Variants in OR2AG1 observed in about 807,000 individuals in gnomAD.
OR2AG1 encodes olfactory receptor family 2 subfamily AG member 1, also known as olfactory receptor 2AG1.
For missense variants in OR2AG1, 391 were observed against 385.9 expected, an observed-to-expected ratio of 1.01 and a Z score of -0.11; for synonymous variants, 157 against 155.6, an observed-to-expected ratio of 1.01 and a Z score of -0.07.
At position 6,790,445 on chromosome 11, in the gene OR2AG1, T is replaced by C. The variant is rs886202510; in HGVS notation, c.*4457T>C. The stretch of plus-strand genomic sequence containing the variant: ...GGGTAAGTATGTAAGGTGATTGATA[T>C]GTTGCTCTGTTAATTAGCTTGCATG... On this transcript the variant is annotated 3_prime_UTR_variant, in exon 2 of 2. Transcript: ENST00000641258. 2 of 152,212 alleles carry C rather than the reference T, an allele frequency of 1.3e-5. No homozygotes were observed. The highest frequency in any genetic ancestry group is 6.5e-5 in the Admixed American group (1 of 15,268). 9.4% of individuals were successfully genotyped at this position (152,212 alleles called of 1,614,324 possible).
At chr11:6,784,083 G>A (rs1847598494) in intron 1 of OR2AG1, among the ~76,000 whole-genome samples, 1 of 152,130 alleles carries the variant, frequency 6.6e-6, no homozygotes, top group Non-Finnish European at 1.5e-5. Context: ...AATGCCAACA[G>A]CTGCTTTCTG....
rs1397852794 is a variant in OR2AG1 at position 6,790,618 on chromosome 11, A to T, written c.*4630A>T. 6.6e-6 allele frequency: 1 copy of T among 152,266 alleles called. No individual in the cohort carries two copies. The highest frequency in any genetic ancestry group is 1.5e-5 in the Non-Finnish European group (1 of 68,052). 9.4% of individuals were successfully genotyped at this position (152,266 alleles called of 1,614,324 possible). On this transcript the variant is annotated 3_prime_UTR_variant, in exon 2 of 2. Coordinates refer to ENST00000641258, the MANE Select transcript of OR2AG1 (RefSeq NM_001004489.3). The stretch of plus-strand genomic sequence containing the variant: ...ATTATACATAATAATAAACATAAAA[A>T]ATCATTTGAAAACATTTCTAAAGCT...
chr11:6,784,711 T>C (rs1847604199), intron 1 of OR2AG1, among the ~76,000 whole-genome samples: 1 of 152,260 alleles, frequency 6.6e-6, no homozygotes, highest in South Asian at 2.1e-4. Flanking sequence ...TGGCAGAATA[T>C]TTCTTTAATC....
At chr11:6,784,556 A>C (rs1012876734) in intron 1 of OR2AG1, among the ~76,000 whole-genome samples, 9 of 152,170 alleles carry the variant, frequency 5.9e-5, no homozygotes, top group African/African-American at 2.2e-4. Flanking sequence ...GAGTACTGCA[A>C]ACAAATGTGG....
Position 6,788,631 on chromosome 11 carries a change from A to T in OR2AG1, c.*2643A>T, listed in dbSNP as rs1847651183. The T allele has an allele frequency of 6.6e-6, 1 of 152,180 alleles. No homozygotes were observed. Among genetic ancestry groups the T allele is most frequent in the Non-Finnish European group, 1.5e-5 (1 of 68,034 alleles). 9.4% of individuals were successfully genotyped at this position (152,180 alleles called of 1,614,324 possible). A position where few individuals can be genotyped will look rare whatever the true frequency, so the allele number is the denominator to read the frequency against. Reference sequence around the variant, plus strand: ...ACAATACTCAGCCTTGCCTTCCTGAACATGGTGCATGACTATACTTCTGGA... The same window carrying T: ...ACAATACTCAGCCTTGCCTTCCTGATCATGGTGCATGACTATACTTCTGGA... On this transcript the variant is annotated 3_prime_UTR_variant, in exon 2 of 2. Transcript: ENST00000641258.
At chr11:6,784,267 C>T (rs1397244617) in intron 1 of OR2AG1, among the ~76,000 whole-genome samples, 1 of 152,188 alleles carries the variant, frequency 6.6e-6, no homozygotes, top group African/African-American at 2.4e-5. Flanking sequence ...CTCCCAAACA[C>T]AAACATCCTG....
At position 6,785,261 on chromosome 11, in the gene OR2AG1, C is replaced by G; in HGVS notation, c.224C>G (p.Ser75Cys). Residue 75 changes from serine (S) to cysteine (C), a missense_variant, in exon 2 of 2, where the codon TCT (serine) becomes TGT (cysteine). Transcript: ENST00000641258. Reference protein sequence around the residue: ...QLSLMDLLFTSVVTPKALADF... With the variant: ...QLSLMDLLFTCVVTPKALADF... ...TCTCTCATGGACCTCCTGTTCACAT[C>G]TGTTGTCACTCCCAAGGCCCTTGCG... is the stretch of plus-strand genomic sequence containing the variant. 1.2e-6 allele frequency: 2 copies of G among 1,614,184 alleles called. No individual in the cohort carries two copies.
rs1847642488 is a variant in OR2AG1 at position 6,787,668 on chromosome 11, TG to T, written c.*1681del. The T allele has an allele frequency of 6.6e-6, 1 of 151,584 alleles. No individual in the cohort carries two copies. Among genetic ancestry groups the T allele is most frequent in the Admixed American group, 6.6e-5 (1 of 15,198 alleles). The allele number at this position is 151,584 out of a possible 1,614,324, so 9.4% of individuals were successfully genotyped here. On this transcript the variant is annotated 3_prime_UTR_variant, in exon 2 of 2. Coordinates refer to ENST00000641258, the MANE Select transcript of OR2AG1 (RefSeq NM_001004489.3). ...TTTAACATTGTCGTGTGTGTGTGTG[TG>T]TGTGTGTGTGTGTGTATGTCTCTGT...
In OR2AG1 at chr11:6,785,482, T is replaced by A. The variant is rs772756574; in HGVS notation, c.445T>A (p.Trp149Arg). 5 of 1,614,090 alleles carry A rather than the reference T, an allele frequency of 3.1e-6. No homozygotes were observed. Among genetic ancestry groups the A allele is most frequent in the African/African-American group, 1.3e-5 (1 of 74,948 alleles). The change falls in exon 2 of 2, where the codon TGG (tryptophan) becomes AGG (arginine). Residue 149 changes from tryptophan (W) to arginine (R), a missense_variant. Coordinates refer to ENST00000641258, the MANE Select transcript of OR2AG1 (RefSeq NM_001004489.3). ...RACWLMVATS[W>R]ILASLSALIY... ...CTGCTGGCTCATGGTGGCCACGTCC[T>A]GGATCCTGGCATCCCTAAGTGCCCT... is the stretch of plus-strand genomic sequence containing the variant.
At position 6,785,399 on chromosome 11, in the gene OR2AG1, A is replaced by C. The variant is rs1158868454; in HGVS notation, c.362A>C (p.Asp121Ala). The C allele has an allele frequency of 6.2e-7, 1 of 1,614,100 alleles. No homozygotes were observed. The change falls in exon 2 of 2, where the codon GAC becomes GCC. Residue 121 changes from aspartate (D) to alanine (A), a missense_variant. Transcript: ENST00000641258. Reference sequence around the variant, plus strand: ...CTCCTACTGGCCTTCATGGCCTATGACAGGTATGTGGCCATTTGTCATCCT... The same window carrying C: ...CTCCTACTGGCCTTCATGGCCTATGCCAGGTATGTGGCCATTTGTCATCCT... Reference protein sequence around the residue: ...EDLLLAFMAYDRYVAICHPLT... With the variant: ...EDLLLAFMAYARYVAICHPLT...
chr11:6,788,907 A>AAAAT lies in OR2AG1; in HGVS notation c.*2963_*2966dup, dbSNP rs60349251. 39,280 of 138,382 alleles carry AAAAT rather than the reference A, an allele frequency of 0.28. 5,891 individuals are homozygous for AAAAT. Among genetic ancestry groups the AAAAT allele is most frequent in the South Asian group, 0.32 (1,367 of 4,276 alleles). 8.6% of individuals were successfully genotyped at this position (138,382 alleles called of 1,614,324 possible). On this transcript the variant is annotated 3_prime_UTR_variant, in exon 2 of 2. Coordinates refer to ENST00000641258, the MANE Select transcript of OR2AG1 (RefSeq NM_001004489.3). ...GGGCAACAGAGTGAGATTCTGTCACAAAATAAATAAATAAATAAATAAATA... is the reference window on the plus strand; with the variant it reads ...GGGCAACAGAGTGAGATTCTGTCACAAAATAAATAAATAAATAAATAAATAAATA...
In OR2AG1 at chr11:6,785,575, G is replaced by A; in HGVS notation, c.538G>A (p.Glu180Lys). The A allele has an allele frequency of 6.2e-7, 1 of 1,614,128 alleles. No homozygotes were observed. ...CCAGGAGATCAGGCATCTTCTCTGT[G>A]AGATCCCACACTTGCTGAAGGTGGC... ...RAQEIRHLLC[E>K]IPHLLKVACA... Residue 180 changes from glutamate to lysine, a missense_variant, in exon 2 of 2, where the codon GAG becomes AAG. Coordinates refer to ENST00000641258, the MANE Select transcript of OR2AG1 (RefSeq NM_001004489.3).
intron 1 of OR2AG1, among the ~76,000 whole-genome samples, chr11:6,784,042 T>A (rs1317369479): frequency 6.6e-6 from 1 of 152,180 alleles, no homozygotes; most frequent in Non-Finnish European, 1.5e-5. Flanking sequence ...CTTGTCCTTC[T>A]CCTTGGCTTC....
chr11:6,785,816 T>A lies in OR2AG1; in HGVS notation c.779T>A (p.Val260Asp). Residue 260 changes from valine (V) to aspartate (D), a missense_variant, in exon 2 of 2, where the codon GTC becomes GAC. By Grantham distance (152) the Val-to-Asp change is radical. Coordinates refer to ENST00000641258, the MANE Select transcript of OR2AG1 (RefSeq NM_001004489.3). ...TATGGAGCTGCCACATTCATGTATG[T>A]CTTGCCCAGTTCCTTCCACAGCACC... ...MFYGAATFMY[V>D]LPSSFHSTRQ... 6.2e-7 allele frequency: 1 copy of A among 1,614,184 alleles called. No individual in the cohort carries two copies. Among genetic ancestry groups the A allele is most frequent in the Non-Finnish European group, 8.5e-7 (1 of 1,180,022 alleles).
chr11:6,784,334 TTA>T (rs1847600235), intron 1 of OR2AG1, among the ~76,000 whole-genome samples: 1 of 152,204 alleles, frequency 6.6e-6, no homozygotes, highest in African/African-American at 2.4e-5. Context: ...AGCTCACATC[TTA>T]ATATAACCTG....
rs565115691 is a variant in OR2AG1, at chr11:6,787,100, A to C, written c.*1112A>C. On this transcript the variant is annotated 3_prime_UTR_variant, in exon 2 of 2. Transcript: ENST00000641258. ...GACTAGGTTCAGAAAGTATAGTAGT[A>C]GTATATCATGTTTGGAAGGCAAGGC... is the stretch of plus-strand genomic sequence containing the variant. The C allele has an allele frequency of 1.3e-5, 2 of 152,348 alleles. No individual in the cohort carries two copies. The highest frequency in any genetic ancestry group is 2.9e-5 in the Non-Finnish European group (2 of 68,018). The allele number at this position is 152,348 out of a possible 1,614,324, so 9.4% of individuals were successfully genotyped here.
Position 6,787,350 on chromosome 11 carries a change from A to G in OR2AG1, c.*1362A>G, listed in dbSNP as rs913325986. On this transcript the variant is annotated 3_prime_UTR_variant, in exon 2 of 2. Coordinates refer to ENST00000641258, the MANE Select transcript of OR2AG1 (RefSeq NM_001004489.3). ...AATTGAATACACCCCACTTATTTCTATAACTTTTAGCATATTACTTAACCT... is the reference window on the plus strand; with the variant it reads ...AATTGAATACACCCCACTTATTTCTGTAACTTTTAGCATATTACTTAACCT... The G allele has an allele frequency of 4.6e-5, 7 of 152,168 alleles. No homozygotes were observed. Among genetic ancestry groups the G allele is most frequent in the Admixed American group, 3.9e-4 (6 of 15,274 alleles). The allele number at this position is 152,168 out of a possible 1,614,324, so 9.4% of individuals were successfully genotyped here. A position where few individuals can be genotyped will look rare whatever the true frequency, so the allele number is the denominator to read the frequency against.
Sources: gnomAD v4.1 joint callset for allele counts (sites outside exome capture counted in the v4.1 genomes callset) on GRCh38, gnomAD v4.1.1 for gene constraint, MANE v1.5 for transcripts, NCBI Gene and HGNC (gene_info 2026-07-23, HGNC 2026-07-21) for gene names.